Variants in EML5 observed in about 807,000 individuals in gnomAD.
The protein encoded by EML5 is echinoderm microtubule-associated protein-like 5.
Under a neutral mutation model 250.0 loss-of-function variants are expected in EML5, and 120 were observed. The ratio of observed to expected loss-of-function variants is 0.48; its 90% confidence interval spans 0.41 to 0.56. The LOEUF (loss-of-function observed/expected upper bound fraction) is 0.56, where lower values mean the gene tolerates loss of function less well. EML5 is among the 20% of genes least tolerant of loss of function. The probability of loss-of-function intolerance (pLI) is 0.00; values close to 1 mark genes in which losing one functional copy is unlikely to be tolerated. For missense variants in EML5, 2,006 were observed against 2,437.6 expected (o/e 0.82, Z 3.73); for synonymous variants, 771 against 806.5 (o/e 0.96, Z 0.75).
intron 1 of EML5, among the ~76,000 whole-genome samples, chr14:88,770,700 T>C (rs999272981): frequency 1.3e-5 from 2 of 152,204 alleles, no homozygotes; most frequent in Non-Finnish European, 2.9e-5. Context: ...TAACTTAATA[T>C]CTTACAGTTA....
At chr14:88,714,136 C>T (rs1037462564) in intron 9 of EML5, among the ~76,000 whole-genome samples, 4 of 152,094 alleles carry the variant, frequency 2.6e-5, no homozygotes, top group Non-Finnish European at 5.9e-5. Flanking sequence ...CTATGCCCAG[C>T]CTGCAAAGTT....
At chr14:88,725,076 T>A (rs1018301570) in intron 8 of EML5, among the ~76,000 whole-genome samples, 53 of 152,172 alleles carry the variant, frequency 3.5e-4, no homozygotes. Context: ...TTTTAAAATA[T>A]GAGGTACCTA....
rs1270623987 is a variant in EML5 at position 88,613,664 on chromosome 14, AG to A, written c.*2153del. 1 of 152,182 alleles carries A rather than the reference AG, an allele frequency of 6.6e-6. No homozygotes were observed. Among genetic ancestry groups the A allele is most frequent in the East Asian group, 1.9e-4 (1 of 5,200 alleles). 9.4% of individuals were successfully genotyped at this position (152,182 alleles called of 1,614,324 possible). ...CACCACAAAAAGGGACCACAAAAAA[AG>A]GAAGGAAATGAGCATGGTTGGCGAT... On this transcript the variant is annotated 3_prime_UTR_variant, in exon 44 of 44. Transcript: ENST00000554922.
chr14:88,714,994 A>G lies in EML5; in HGVS notation c.1389T>C (p.Ser463=). 1 of 1,613,676 alleles carries G rather than the reference A, an allele frequency of 6.2e-7. No individual in the cohort carries two copies. Among genetic ancestry groups the G allele is most frequent in the Non-Finnish European group, 8.5e-7 (1 of 1,179,776 alleles). ...FITHLDWSSD[S]RYLQTNDGNG... is the part of the protein sequence containing the mutation. ...TTCCATCATTTGTCTGCAAATATCT[A>G]CTGTCTGAAGACCAGTCCAGATGAG... Residue 463 remains serine, a synonymous_variant, in exon 9 of 44, where the codon AGT becomes AGC. Transcript: ENST00000554922.
At chr14:88,788,401 A>G (rs1010702567) in intron 1 of EML5, among the ~76,000 whole-genome samples, 1 of 152,176 alleles carries the variant, frequency 6.6e-6, no homozygotes, top group African/African-American at 2.4e-5. Flanking sequence ...TTTGTCTTTT[A>G]AAAAAGCCAT....
In EML5 at chr14:88,754,775, C is replaced by A. The variant is rs989261783; in HGVS notation, c.198-104G>T. ...CACATATACCAGTGTGAACATTAGACTTTATCCACTTTAGACAATTTGGAT... is the reference window on the plus strand; with the variant it reads ...CACATATACCAGTGTGAACATTAGAATTTATCCACTTTAGACAATTTGGAT... On this transcript the variant is annotated intron_variant, in intron 1 of 43. Coordinates refer to ENST00000554922, the MANE Select transcript of EML5 (RefSeq NM_183387.3). The A allele has an allele frequency of 8.4e-6, 8 of 947,882 alleles. No homozygotes were observed. In the East Asian group the frequency reaches 1.6e-4, roughly 19 times the overall value. The allele number at this position is 947,882 out of a possible 1,614,324, so 58.7% of individuals were successfully genotyped here.
intron 41 of EML5, 192 bp downstream of exon 41, chr14:88,618,036 G>A: frequency 2.6e-6 from 1 of 391,006 alleles, no homozygotes; most frequent in Non-Finnish European, 4.5e-6. Context: ...ATAAATCATG[G>A]AAACTGATAA....
chr14:88,707,812 G>A (rs1280817706), intron 10 of EML5, among the ~76,000 whole-genome samples: 1 of 152,154 alleles, frequency 6.6e-6, no homozygotes, highest in Non-Finnish European at 1.5e-5. Context: ...GTCCTATGAG[G>A]TAAGGGCTCT....
chr14:88,647,307 T>A (rs958110687), intron 28 of EML5, among the ~76,000 whole-genome samples: 8 of 151,580 alleles, frequency 5.3e-5, no homozygotes, highest in Admixed American at 5.3e-4. Context: ...GAGGTTGCAG[T>A]GAGCCAAGAC....
At chr14:88,725,262 T>G (rs1384103702) in intron 8 of EML5, among the ~76,000 whole-genome samples, 2 of 152,122 alleles carry the variant, frequency 1.3e-5, no homozygotes, top group Admixed American at 1.3e-4. Context: ...TGAATGTACT[T>G]AATGGCACTG....
intron 1 of EML5, among the ~76,000 whole-genome samples, chr14:88,789,211 T>TA (rs1337054735): frequency 6.6e-6 from 1 of 152,196 alleles, no homozygotes; most frequent in African/African-American, 2.4e-5. Context: ...TAGAGATTTT[T>TA]ATAGATACAG....
intron 5 of EML5, among the ~76,000 whole-genome samples, chr14:88,740,053 T>C (rs2093902463): frequency 6.6e-6 from 1 of 152,186 alleles, no homozygotes; most frequent in Non-Finnish European, 1.5e-5. Flanking sequence ...TCTGGTAAAT[T>C]AGCCTCAAGA....
At chr14:88,708,366 T>C (rs986880468) in intron 10 of EML5, among the ~76,000 whole-genome samples, 4 of 152,106 alleles carry the variant, frequency 2.6e-5, no homozygotes, top group African/African-American at 7.2e-5. Context: ...TGAAATGTAA[T>C]AGTCTATTTA....
At chr14:88,707,495 A>T (rs944313822) in intron 10 of EML5, among the ~76,000 whole-genome samples, 1 of 152,036 alleles carries the variant, frequency 6.6e-6, no homozygotes. Context: ...AGATATTCTT[A>T]TTAAAATACA....
At position 88,618,377 on chromosome 14, in the gene EML5, G is replaced by C. The variant is rs573552795; in HGVS notation, c.5539-46C>G. The C allele has an allele frequency of 3.9e-6, 6 of 1,535,274 alleles. No individual in the cohort carries two copies. The East Asian group carries it at 1.4e-4, about 35-fold the overall frequency. On this transcript the variant is annotated intron_variant, in intron 40 of 43. Transcript: ENST00000554922. ...GGGACAAGAATTCCATTAGGTGAGA[G>C]ACAAAATCCACAGGGGGTTTACAGA...
At position 88,661,929 on chromosome 14, in the gene EML5, A is replaced by T. The variant is rs1324748163; in HGVS notation, c.3499-99T>A. 9 of 1,084,660 alleles carry T rather than the reference A, an allele frequency of 8.3e-6. No homozygotes were observed. The East Asian group carries it at 2.3e-4, about 28-fold the overall frequency. The allele number at this position is 1,084,660 out of a possible 1,614,324, so 67.2% of individuals were successfully genotyped here. A position where few individuals can be genotyped will look rare whatever the true frequency, so the allele number is the denominator to read the frequency against. On this transcript the variant is annotated intron_variant, in intron 24 of 43. Coordinates refer to ENST00000554922, the MANE Select transcript of EML5 (RefSeq NM_183387.3). ...TTTCTTTGTAGTTATGTGTGTCACA[A>T]GTAAAATGAAAGTTTTAATGAAAAA... is the stretch of plus-strand genomic sequence containing the variant.
At chr14:88,715,358 T>G (rs1040602651) in intron 8 of EML5, among the ~76,000 whole-genome samples, 163 bp from the exon 9 acceptor site, 5 of 152,194 alleles carry the variant, frequency 3.3e-5, no homozygotes. Context: ...AATACGTTGC[T>G]GAACAGAAAT....
chr14:88,746,326 ACAAAT>A, intron 2 of EML5, 43 bp from the exon 3 acceptor site: 2 of 1,518,758 alleles, frequency 1.3e-6, no homozygotes, highest in Non-Finnish European at 1.8e-6. Context: ...AAAAAGGCAA[ACAAAT>A]CAAAGAGAAA....
At chr14:88,648,639 A>G (rs2091469445) in intron 28 of EML5, among the ~76,000 whole-genome samples, 1 of 152,048 alleles carries the variant, frequency 6.6e-6, no homozygotes, top group Non-Finnish European at 1.5e-5. Flanking sequence ...TTACAGGCAT[A>G]AACCACTGCA....
Sources: allele counts gnomAD v4.1 joint callset (sites outside exome capture counted in the v4.1 genomes callset), GRCh38; gene constraint gnomAD v4.1.1; transcripts MANE v1.5; gene names NCBI Gene and HGNC (gene_info 2026-07-23, HGNC 2026-07-21).